The following PCBD2 variants were observed in gnomAD, a reference collection of about 807,000 sequenced individuals.
PCBD2 encodes the protein pterin-4-alpha-carbinolamine dehydratase 2.
Under a neutral mutation model 16.4 loss-of-function variants are expected in PCBD2, and 12 were observed. The observed-to-expected ratio is 0.73, with a 90% CI of 0.47 to 1.19. PCBD2 has a LOEUF of 1.19. PCBD2 is among the 50% of genes most tolerant of loss of function. PCBD2 has a pLI of 0.00. For missense variants in PCBD2, 138 were observed against 156.8 expected (o/e 0.88, Z 0.64); for synonymous variants, 58 against 61.8 (o/e 0.94, Z 0.29).
At chr5:134,912,605 G>T (rs1034655952) in intron 2 of PCBD2, among the ~76,000 whole-genome samples, 3 of 152,218 alleles carry the variant, frequency 2.0e-5, no homozygotes, top group Non-Finnish European at 2.9e-5. Context: ...AACTGAAGAA[G>T]AAGCAATAGT....
intron 2 of PCBD2, among the ~76,000 whole-genome samples, chr5:134,952,041 A>G (rs1751364429): frequency 1.3e-5 from 2 of 152,042 alleles, no homozygotes; most frequent in African/African-American, 2.4e-5. Context: ...AGGAAATAGA[A>G]TTTATAAATT....
chr5:134,932,324 C>T (rs1751108072), intron 2 of PCBD2, among the ~76,000 whole-genome samples: 1 of 151,306 alleles, frequency 6.6e-6, no homozygotes, highest in Non-Finnish European at 1.5e-5. Flanking sequence ...ACTATAGATG[C>T]ATGCCACATT....
At chr5:134,949,882 T>G (rs1751339709) in intron 2 of PCBD2, among the ~76,000 whole-genome samples, 1 of 152,240 alleles carries the variant, frequency 6.6e-6, no homozygotes, top group Admixed American at 6.5e-5. Context: ...CTTAATAATT[T>G]TCATTATTTT....
chr5:134,912,606 A>C (rs575436362), intron 2 of PCBD2, among the ~76,000 whole-genome samples: 2 of 152,344 alleles, frequency 1.3e-5, no homozygotes, highest in South Asian at 2.1e-4. Context: ...ACTGAAGAAG[A>C]AGCAATAGTC....
intron 2 of PCBD2, among the ~76,000 whole-genome samples, chr5:134,917,043 G>A (rs1348510597): frequency 6.6e-6 from 1 of 152,232 alleles, no homozygotes; most frequent in African/African-American, 2.4e-5. Context: ...TATAAACTTA[G>A]GTGTTTGGTA....
intron 1 of PCBD2, among the ~76,000 whole-genome samples, chr5:134,907,956 C>G (rs1031886536): frequency 6.7e-6 from 1 of 149,896 alleles, no homozygotes; most frequent in African/African-American, 2.5e-5. Flanking sequence ...GGGTCTCACT[C>G]TGTTGCCCAG....
Position 134,961,899 on chromosome 5 carries a change from C to G in PCBD2, c.*1218C>G, listed in dbSNP as rs990630374. Reference sequence around the variant, plus strand: ...TCCTCAGCCTCCAGAGTAGCTGGGACTATAGGCAAGTGCCACCACGCCTGA... The same window carrying G: ...TCCTCAGCCTCCAGAGTAGCTGGGAGTATAGGCAAGTGCCACCACGCCTGA... On this transcript the variant is annotated 3_prime_UTR_variant, in exon 4 of 4. Coordinates refer to ENST00000254908, the MANE Select transcript of PCBD2 (RefSeq NM_032151.5). Among the ~76,000 whole-genome samples the G allele has an allele frequency of 1.3e-5, 2 of 151,718 alleles. No individual in the cohort carries two copies. The highest frequency in any genetic ancestry group is 4.8e-5 in the African/African-American group (2 of 41,272).
At chr5:134,911,676 C>T (rs919180215) in intron 2 of PCBD2, among the ~76,000 whole-genome samples, 2 of 152,170 alleles carry the variant, frequency 1.3e-5, no homozygotes, top group South Asian at 2.1e-4. Flanking sequence ...AAGAAACCTT[C>T]GGCATGTTTT....
chr5:134,920,819 C>A (rs913807539), intron 2 of PCBD2, among the ~76,000 whole-genome samples: 1 of 152,212 alleles, frequency 6.6e-6, no homozygotes, highest in Admixed American at 6.5e-5. Flanking sequence ...CCAAGCCTGG[C>A]TAATTTTTTG....
chr5:134,918,778 T>C (rs1459682679), intron 2 of PCBD2, among the ~76,000 whole-genome samples: 1 of 152,194 alleles, frequency 6.6e-6, no homozygotes, highest in Admixed American at 6.5e-5. Flanking sequence ...GTAGTGTTCA[T>C]GTTGGTGTTC....
intron 2 of PCBD2, among the ~76,000 whole-genome samples, chr5:134,932,023 T>G (rs184534007): frequency 5.5e-4 from 84 of 152,292 alleles, no homozygotes; most frequent in Admixed American, 2.2e-3. Context: ...CACTTCCAGA[T>G]AGGTCTGCAG....
intron 2 of PCBD2, chr5:134,923,740 A>G (rs1750939222): frequency 2.6e-6 from 1 of 390,794 alleles, no homozygotes; most frequent in Non-Finnish European, 4.5e-6. Context: ...AATGAGCCGT[A>G]ATATAGGCCT....
chr5:134,909,521 C>G (rs1234103196), intron 1 of PCBD2, among the ~76,000 whole-genome samples: 1 of 152,204 alleles, frequency 6.6e-6, no homozygotes, highest in Non-Finnish European at 1.5e-5. Context: ...TAAGCTGTCT[C>G]TATGGTATGT....
chr5:134,942,545 C>G (rs1751242124), intron 2 of PCBD2, among the ~76,000 whole-genome samples: 1 of 151,866 alleles, frequency 6.6e-6, no homozygotes, highest in South Asian at 2.1e-4. Flanking sequence ...CCATAGTCAG[C>G]AAGAATCAAG....
intron 2 of PCBD2, among the ~76,000 whole-genome samples, chr5:134,955,432 C>T (rs562115407): frequency 5.3e-5 from 8 of 151,576 alleles, no homozygotes; most frequent in Non-Finnish European, 7.4e-5. Flanking sequence ...CTCAACCTCC[C>T]GAGTAGCTGG....
chr5:134,959,209 A>C, intron 3 of PCBD2, 89 bp downstream of exon 3: 7 of 952,520 alleles, frequency 7.3e-6, no homozygotes, highest in South Asian at 1.6e-5. Context: ...GCTAAATGTC[A>C]TTGTACTTAA....
intron 2 of PCBD2, chr5:134,926,249 T>C: frequency 3.0e-6 from 1 of 333,480 alleles, no homozygotes; most frequent in Non-Finnish European, 5.4e-6. Flanking sequence ...GTTGTTTGGG[T>C]TGTTGCCCAG....
intron 2 of PCBD2, among the ~76,000 whole-genome samples, chr5:134,949,000 G>T (rs572711223): frequency 3.9e-5 from 6 of 152,190 alleles, no homozygotes; most frequent in African/African-American, 1.4e-4. Context: ...GAAATGTTGA[G>T]CTCTGTGGCG....
chr5:134,913,907 C>A (rs1357842826), intron 2 of PCBD2, among the ~76,000 whole-genome samples: 1 of 152,008 alleles, frequency 6.6e-6, no homozygotes, highest in Admixed American at 6.5e-5. Flanking sequence ...GCCACTGGAG[C>A]CATTTACTGA....
Sources: gnomAD v4.1 joint callset for allele counts (sites outside exome capture counted in the v4.1 genomes callset) on GRCh38, gnomAD v4.1.1 for gene constraint, MANE v1.5 for transcripts, NCBI Gene and HGNC (gene_info 2026-07-23, HGNC 2026-07-21) for gene names.